The following MOB3B variants were observed in gnomAD, a reference collection of about 807,000 sequenced individuals.
MOB3B encodes the protein MOB kinase activator-like 2B.
MOB3B carries 7 observed loss-of-function variants against 18.7 expected under a neutral mutation model. That is an observed-to-expected ratio of 0.37 (90% CI 0.21 to 0.70). MOB3B has a LOEUF of 0.70. MOB3B is among the 30% of genes least tolerant of loss of function. The pLI is 0.52. For missense variants in MOB3B, 253 were observed against 281.3 expected (o/e 0.90, Z 0.72); for synonymous variants, 111 against 99.9 (o/e 1.11, Z -0.66).
chr9:27,527,419 A>T (rs1290574809), intron 1 of MOB3B, among the ~76,000 whole-genome samples: 1 of 152,222 alleles, frequency 6.6e-6, no homozygotes, highest in Non-Finnish European at 1.5e-5. Context: ...TATAATACCC[A>T]GAAATCACTA....
In MOB3B at chr9:27,517,903, C is replaced by T. The variant is rs145456745; in HGVS notation, c.-199+11652G>A. Among the ~76,000 whole-genome samples the T allele has an allele frequency of 1.5e-3, 228 of 152,182 alleles. 1 individual carries two copies. Among genetic ancestry groups the T allele is most frequent in the African/African-American group, 5.2e-3 (215 of 41,526 alleles). ...CTAGCATCTCTCAGGAAACCCATTC[C>T]AAGCTTCTTCTCAGGCTACCTGCGG... On this transcript the variant is annotated intron_variant, in intron 1 of 3. Transcript: ENST00000262244.
intron 1 of MOB3B, among the ~76,000 whole-genome samples, chr9:27,516,360 C>T (rs765860687): frequency 1.3e-5 from 2 of 152,214 alleles, no homozygotes; most frequent in Non-Finnish European, 2.9e-5. Flanking sequence ...CTGCCAAGAA[C>T]TCCACACATA....
chr9:27,446,659 G>A (rs905652779), intron 2 of MOB3B, among the ~76,000 whole-genome samples: 4 of 152,150 alleles, frequency 2.6e-5, no homozygotes, highest in Non-Finnish European at 5.9e-5. Flanking sequence ...GTGATACTGA[G>A]GGAACTAACG....
At chr9:27,410,717 C>G (rs1003041470) in intron 2 of MOB3B, among the ~76,000 whole-genome samples, 1 of 152,110 alleles carries the variant, frequency 6.6e-6, no homozygotes, top group Non-Finnish European at 1.5e-5. Flanking sequence ...GGTCACCACA[C>G]AGATCAGTGT....
intron 3 of MOB3B, among the ~76,000 whole-genome samples, chr9:27,338,677 C>A (rs1053400196): frequency 1.1e-4 from 17 of 152,244 alleles, no homozygotes; most frequent in Admixed American, 9.8e-4. Context: ...CAGGGCAGCT[C>A]TTGCCTGGCC....
At chr9:27,479,531 T>G (rs1310144333) in intron 1 of MOB3B, among the ~76,000 whole-genome samples, 3 of 152,060 alleles carry the variant, frequency 2.0e-5, no homozygotes, top group Non-Finnish European at 4.4e-5. Flanking sequence ...AAAGAAATAT[T>G]AAAGAATAAT....
At chr9:27,399,592 G>A (rs534699754) in intron 2 of MOB3B, among the ~76,000 whole-genome samples, 1 of 152,172 alleles carries the variant, frequency 6.6e-6, no homozygotes, top group Non-Finnish European at 1.5e-5. Flanking sequence ...TCACTGATGG[G>A]GTCTGGAGAC....
chr9:27,349,767 C>G (rs1563847030), intron 3 of MOB3B, among the ~76,000 whole-genome samples: 2 of 152,158 alleles, frequency 1.3e-5, no homozygotes. Context: ...GCAGAAGGTA[C>G]TGAGTTTTAT....
chr9:27,473,454 G>A (rs1819504366), intron 1 of MOB3B, among the ~76,000 whole-genome samples: 1 of 152,062 alleles, frequency 6.6e-6, no homozygotes, highest in Non-Finnish European at 1.5e-5. Flanking sequence ...ACGGTGCCCA[G>A]GAAAGAGAAG....
At chr9:27,331,408 C>A (rs2131329119) in intron 3 of MOB3B, among the ~76,000 whole-genome samples, 1 of 152,304 alleles carries the variant, frequency 6.6e-6, no homozygotes, top group Admixed American at 6.5e-5. Context: ...GTGGAGGTAG[C>A]CACTCTCTCC....
At chr9:27,449,968 ACT>A (rs1822757832) in intron 2 of MOB3B, among the ~76,000 whole-genome samples, 1 of 148,554 alleles carries the variant, frequency 6.7e-6, no homozygotes, top group Non-Finnish European at 1.5e-5. Flanking sequence ...ACAGAGCGAG[ACT>A]CTGTCTCAAA....
intron 2 of MOB3B, among the ~76,000 whole-genome samples, chr9:27,432,522 T>C (rs1002034451): frequency 6.6e-6 from 1 of 152,214 alleles, no homozygotes; most frequent in Non-Finnish European, 1.5e-5. Context: ...TGGTAGGTTT[T>C]CCGCAAGTCT....
At chr9:27,399,931 T>C (rs889316248) in intron 2 of MOB3B, among the ~76,000 whole-genome samples, 6 of 152,140 alleles carry the variant, frequency 3.9e-5, no homozygotes, top group Non-Finnish European at 5.9e-5. Context: ...TTTCATTCTC[T>C]CCACATATCT....
Position 27,525,096 on chromosome 9 carries a change from G to A in MOB3B, c.-199+4459C>T. On this transcript the variant is annotated intron_variant, in intron 1 of 3. Transcript: ENST00000262244. ...TGGACTGGTAGCCTCGGAACATCAG[G>A]GACACTCACCTCTCTAAGGAGAGGT... 4.2e-6 allele frequency: 3 copies of A among 708,874 alleles called. No individual in the cohort carries two copies. The South Asian group carries it at 6.0e-5, about 14-fold the overall frequency. 43.9% of individuals were successfully genotyped at this position (708,874 alleles called of 1,614,324 possible). A position where few individuals can be genotyped will look rare whatever the true frequency, so the allele number is the denominator to read the frequency against.
At chr9:27,398,976 GCAGT>G (rs1821838627) in intron 2 of MOB3B, among the ~76,000 whole-genome samples, 1 of 150,996 alleles carries the variant, frequency 6.6e-6, no homozygotes, top group African/African-American at 2.4e-5. Flanking sequence ...CAATTTTTTA[GCAGT>G]CAACCTGAGT....
At chr9:27,463,989 T>A (rs910445197) in intron 1 of MOB3B, among the ~76,000 whole-genome samples, 9 of 152,052 alleles carry the variant, frequency 5.9e-5, no homozygotes, top group Non-Finnish European at 8.8e-5. Context: ...ATAATAAGGA[T>A]AACGGTTAAT....
At chr9:27,483,470 T>G (rs1819693884) in intron 1 of MOB3B, among the ~76,000 whole-genome samples, 1 of 152,200 alleles carries the variant, frequency 6.6e-6, no homozygotes, top group South Asian at 2.1e-4. Flanking sequence ...TCTAACAAAT[T>G]TCAATAACAT....
At chr9:27,409,613 T>TCAAATAGACA (rs1332025822) in intron 2 of MOB3B, among the ~76,000 whole-genome samples, 2 of 151,862 alleles carry the variant, frequency 1.3e-5, no homozygotes. Context: ...AAGCAAGGAC[T>TCAAATAGACA]CAAATAGACA....
intron 1 of MOB3B, among the ~76,000 whole-genome samples, chr9:27,497,694 C>T: frequency 6.6e-6 from 1 of 151,978 alleles, no homozygotes. Flanking sequence ...TTTCTCTTAG[C>T]AATGTGAATA....
Sources: allele counts gnomAD v4.1 joint callset (sites outside exome capture counted in the v4.1 genomes callset), GRCh38; gene constraint gnomAD v4.1.1; transcripts MANE v1.5; gene names NCBI Gene and HGNC (gene_info 2026-07-23, HGNC 2026-07-21).